PTPRQ: variants seen among roughly 807,000 people sequenced by gnomAD.
PTPRQ encodes the protein phosphatidylinositol phosphatase PTPRQ.
Under a neutral mutation model 246.0 loss-of-function variants are expected in PTPRQ, and 199 were observed. The observed-to-expected ratio is 0.81, with a 90% CI of 0.72 to 0.91. PTPRQ has a LOEUF of 0.91. PTPRQ is among the 40% of genes least tolerant of loss of function. The pLI is 0.00. For missense variants in PTPRQ, 2,624 were observed against 2,528.4 expected, an observed-to-expected ratio of 1.04 and a Z score of -0.81; for synonymous variants, 869 against 853.2, an observed-to-expected ratio of 1.02 and a Z score of -0.32.
At chr12:80,452,307 A>C (rs1485981002) in intron 3 of PTPRQ, among the ~76,000 whole-genome samples, 1 of 151,002 alleles carries the variant, frequency 6.6e-6, no homozygotes, top group East Asian at 1.9e-4. Context: ...ATGGGTCTTG[A>C]CTCTTTATCC....
At chr12:80,567,000 T>C (rs1191780709) in intron 25 of PTPRQ, among the ~76,000 whole-genome samples, 2 of 152,228 alleles carry the variant, frequency 1.3e-5, no homozygotes, top group East Asian at 3.8e-4. Flanking sequence ...AATGGTTAAC[T>C]GTGTAAAACA....
At chr12:80,472,780 T>C (rs1893681957) in intron 8 of PTPRQ, among the ~76,000 whole-genome samples, 1 of 152,220 alleles carries the variant, frequency 6.6e-6, no homozygotes, top group Non-Finnish European at 1.5e-5. Context: ...TTATAAGTAT[T>C]CATTAAACAT....
At chr12:80,458,350 G>T (rs1165677999) in intron 4 of PTPRQ, among the ~76,000 whole-genome samples, 1 of 152,032 alleles carries the variant, frequency 6.6e-6, no homozygotes, top group Non-Finnish European at 1.5e-5. Context: ...TTATTAGAAT[G>T]CAGCTGTCCT....
At chr12:80,554,131 G>A (rs2120890285) in intron 25 of PTPRQ, among the ~76,000 whole-genome samples, 1 of 152,242 alleles carries the variant, frequency 6.6e-6, no homozygotes, top group South Asian at 2.1e-4. Context: ...CAGGTAGAAT[G>A]AATAAGGTCT....
chr12:80,583,202 C>T (rs1378425176), intron 25 of PTPRQ, among the ~76,000 whole-genome samples: 1 of 152,170 alleles, frequency 6.6e-6, no homozygotes, highest in African/African-American at 2.4e-5. Flanking sequence ...TTCATTTGCT[C>T]ACACATTCAA....
At chr12:80,501,528 G>C (rs1894798730) in intron 14 of PTPRQ, among the ~76,000 whole-genome samples, 1 of 151,890 alleles carries the variant, frequency 6.6e-6, no homozygotes, top group Non-Finnish European at 1.5e-5. Context: ...AAAAGATACA[G>C]AGCTGAATAT....
chr12:80,614,082 A>T (rs1281755858), intron 29 of PTPRQ, among the ~76,000 whole-genome samples: 1 of 150,798 alleles, frequency 6.6e-6, no homozygotes, highest in Admixed American at 6.6e-5. Context: ...AAACTCAGAC[A>T]TAAAAGAGAA....
At chr12:80,543,702 GT>G (rs1896222063) in intron 23 of PTPRQ, among the ~76,000 whole-genome samples, 1 of 152,064 alleles carries the variant, frequency 6.6e-6, no homozygotes, top group Admixed American at 6.6e-5. Context: ...AATAGTAAAA[GT>G]CAAAAGCAGG....
In PTPRQ at chr12:80,652,845, T is replaced by G. The variant is rs1156852693; in HGVS notation, c.6115+11T>G. The G allele has an allele frequency of 6.8e-7, 1 of 1,472,476 alleles. No individual in the cohort carries two copies. The highest frequency in any genetic ancestry group is 9.0e-7 in the Non-Finnish European group (1 of 1,113,352). The allele number at this position is 1,472,476 out of a possible 1,614,324, so 91.2% of individuals were successfully genotyped here. The stretch of plus-strand genomic sequence containing the variant: ...CAAACATAAAACCATGTATGTGCAT[T>G]TGTTGGTTTTGGTTTAGCTAGGAAA... On this transcript the variant is annotated intron_variant, in intron 38 of 44. Coordinates refer to ENST00000644991, the MANE Select transcript of PTPRQ (RefSeq NM_001145026.2).
chr12:80,478,012 C>T, intron 8 of PTPRQ, among the ~76,000 whole-genome samples: 1 of 152,248 alleles, frequency 6.6e-6, no homozygotes, highest in East Asian at 1.9e-4. Context: ...GAAGCTCCAA[C>T]TGGGTGGAGC....
In PTPRQ at chr12:80,534,027, A is replaced by C. The variant is rs1359801735; in HGVS notation, c.2691A>C (p.Ser897=). 6.7e-7 allele frequency: 1 copy of C among 1,501,886 alleles called. No individual in the cohort carries two copies. 93.0% of individuals were successfully genotyped at this position (1,501,886 alleles called of 1,614,324 possible). A position where few individuals can be genotyped will look rare whatever the true frequency, so the allele number is the denominator to read the frequency against. ...CTTTTTATCTCAGGAATAGATCATCATTAAAAACTATTAATGTCACTGAAA... is the reference window on the plus strand; with the variant it reads ...CTTTTTATCTCAGGAATAGATCATCCTTAAAAACTATTAATGTCACTGAAA... ...YYTVYVWNRS[S]LKTINVTETS... Residue 897 remains serine, a synonymous_variant, in exon 18 of 45, where the codon TCA becomes TCC. Coordinates refer to ENST00000644991, the MANE Select transcript of PTPRQ (RefSeq NM_001145026.2).
intron 3 of PTPRQ, 130 bp from the exon 4 acceptor site, chr12:80,457,445 T>A: frequency 5.0e-6 from 2 of 396,514 alleles, no homozygotes. Context: ...ATTTGCCTTC[T>A]TCCTTGAGAG....
chr12:80,468,316 G>A (rs1661970171), intron 6 of PTPRQ, among the ~76,000 whole-genome samples: 1 of 152,142 alleles, frequency 6.6e-6, no homozygotes, highest in Non-Finnish European at 1.5e-5. Flanking sequence ...GTTAATAAGA[G>A]AGAAAATGTT....
intron 25 of PTPRQ, among the ~76,000 whole-genome samples, chr12:80,573,243 T>A (rs953398157): frequency 6.6e-5 from 10 of 152,092 alleles, no homozygotes; most frequent in African/African-American, 2.4e-4. Flanking sequence ...TAATCCCAGC[T>A]CTTTGGGAGG....
intron 3 of PTPRQ, among the ~76,000 whole-genome samples, chr12:80,446,580 C>T (rs1020354332): frequency 2.0e-5 from 3 of 151,654 alleles, no homozygotes; most frequent in Admixed American, 1.3e-4. Context: ...CAATCCTCAC[C>T]CTCTCCTACC....
intron 25 of PTPRQ, among the ~76,000 whole-genome samples, chr12:80,586,064 TC>T (rs1408622516): frequency 6.6e-6 from 1 of 152,050 alleles, no homozygotes; most frequent in Non-Finnish European, 1.5e-5. Context: ...GGACATGAAC[TC>T]ATCATTTTTT....
rs138907721 is a variant in PTPRQ, at chr12:80,668,107, G to A, written c.6193-900G>A. On this transcript the variant is annotated intron_variant, in intron 39 of 44. Transcript: ENST00000644991. ...ACAATTTCAATGTAAAAAAGTAAAT[G>A]TTACCTTTTATTCCATATTCCTTAA... Among the ~76,000 whole-genome samples the A allele has an allele frequency of 1.8e-4, 27 of 151,982 alleles. 1 individual carries two copies. The highest frequency in any genetic ancestry group is 3.4e-3 in the Middle Eastern group (1 of 294).
At chr12:80,587,809 G>A (rs907091223) in intron 25 of PTPRQ, among the ~76,000 whole-genome samples, 2 of 152,108 alleles carry the variant, frequency 1.3e-5, no homozygotes, top group African/African-American at 4.8e-5. Context: ...GATGATATGA[G>A]CATACAGTTT....
At chr12:80,616,743 T>A (rs1333037437) in intron 30 of PTPRQ, among the ~76,000 whole-genome samples, 3 of 151,140 alleles carry the variant, frequency 2.0e-5, no homozygotes, top group Non-Finnish European at 4.4e-5. Flanking sequence ...GTAAAGTAAA[T>A]CTATCAATTC....
Sources: gnomAD v4.1 joint callset for allele counts (sites outside exome capture counted in the v4.1 genomes callset) on GRCh38, gnomAD v4.1.1 for gene constraint, MANE v1.5 for transcripts, NCBI Gene and HGNC (gene_info 2026-07-23, HGNC 2026-07-21) for gene names.